ROBO1: variants seen among roughly 807,000 people sequenced by gnomAD.
ROBO1 encodes the protein roundabout guidance receptor 1, also known as roundabout homolog 1.
ROBO1 carries 149 observed loss-of-function variants against 195.9 expected under a neutral mutation model. That is an observed-to-expected ratio of 0.76 (90% CI 0.67 to 0.87). The LOEUF (loss-of-function observed/expected upper bound fraction) is 0.87, where lower values mean the gene tolerates loss of function less well. ROBO1 is among the 40% of genes least tolerant of loss of function. The probability of loss-of-function intolerance (pLI) is 0.00; values close to 1 mark genes in which losing one functional copy is unlikely to be tolerated. For synonymous variants in ROBO1, 816 were observed against 733.2 expected (o/e 1.11, Z -1.82); for missense variants, 1,933 against 2,068.3 (o/e 0.93, Z 1.27).
chr3:79,697,801 A>C (rs1947491120), intron 1 of ROBO1, among the ~76,000 whole-genome samples: 1 of 151,478 alleles, frequency 6.6e-6, no homozygotes, highest in Non-Finnish European at 1.5e-5. Context: ...TTTGTTGATT[A>C]ATTTATAAAC....
At chr3:78,925,342 ATGT>A (rs1206284052) in intron 4 of ROBO1, among the ~76,000 whole-genome samples, 2 of 152,212 alleles carry the variant, frequency 1.3e-5, no homozygotes, top group Non-Finnish European at 2.9e-5. Flanking sequence ...GTATTAAATA[ATGT>A]TGTACTTGAA....
intron 12 of ROBO1, 66 bp downstream of exon 12, chr3:78,668,418 A>G (rs1707864700): frequency 1.3e-6 from 2 of 1,590,608 alleles, no homozygotes; most frequent in Middle Eastern, 3.3e-4. Context: ...TACTTCATCA[A>G]TATCCCAGTA....
At chr3:78,917,091 T>G (rs1189642059) in intron 4 of ROBO1, among the ~76,000 whole-genome samples, 2 of 143,570 alleles carry the variant, frequency 1.4e-5, no homozygotes, top group East Asian at 2.0e-4. Context: ...GTTGTTTTTT[T>G]GTTTTTCGTT....
At chr3:79,024,122 G>A (rs1049067281) in intron 3 of ROBO1, among the ~76,000 whole-genome samples, 1 of 152,162 alleles carries the variant, frequency 6.6e-6, no homozygotes, top group Non-Finnish European at 1.5e-5. Context: ...GGCTTATTAA[G>A]AAATATAAAT....
At chr3:79,586,238 T>C (rs1478039757) in intron 2 of ROBO1, among the ~76,000 whole-genome samples, 1 of 152,038 alleles carries the variant, frequency 6.6e-6, no homozygotes, top group Non-Finnish European at 1.5e-5. Flanking sequence ...ATATTCATTG[T>C]AATTTCTAAA....
Position 79,224,482 on chromosome 3 carries a change from T to C in ROBO1, c.89-98943A>G, listed in dbSNP as rs559150827. 2.0e-5 allele frequency among the ~76,000 whole-genome samples: 3 copies of C among 152,236 alleles called. No individual in the cohort carries two copies. In the South Asian group the frequency reaches 6.2e-4, roughly 32 times the overall value. ...AAAAGGAGAATATTCAGTGGGCTAT[T>C]TGATAGGAAATTAAGTTCTCAAATG... On this transcript the variant is annotated intron_variant, in intron 2 of 30. Transcript: ENST00000464233.
At chr3:79,328,227 A>T (rs1222383022) in intron 2 of ROBO1, among the ~76,000 whole-genome samples, 1 of 152,176 alleles carries the variant, frequency 6.6e-6, no homozygotes, top group East Asian at 1.9e-4. Flanking sequence ...TTTAAGTGCA[A>T]ATGCATCATT....
intron 2 of ROBO1, among the ~76,000 whole-genome samples, chr3:79,406,516 C>T (rs879231880): frequency 6.6e-6 from 1 of 151,758 alleles, no homozygotes; most frequent in East Asian, 1.9e-4. Flanking sequence ...TTCTTTCCCC[C>T]AAAAGCTAGA....
At chr3:79,279,409 G>A (rs1335470038) in intron 2 of ROBO1, among the ~76,000 whole-genome samples, 1 of 152,092 alleles carries the variant, frequency 6.6e-6, no homozygotes, top group Non-Finnish European at 1.5e-5. Context: ...TCAACGAAAT[G>A]CAAATCAATA....
intron 27 of ROBO1, among the ~76,000 whole-genome samples, chr3:78,615,562 T>C (rs1371430912): frequency 2.6e-5 from 4 of 152,186 alleles, no homozygotes; most frequent in South Asian, 2.1e-4. Context: ...GTGCCTTACA[T>C]AGATGCTGTA....
intron 2 of ROBO1, among the ~76,000 whole-genome samples, chr3:79,288,920 C>T (rs902164): frequency 0.19 from 29,170 of 151,840 alleles, 3,171 homozygotes; most frequent in African/African-American, 0.3. Context: ...AATAATTTAG[C>T]GGTCTTTTTT....
At chr3:79,704,256 A>G (rs1204590152) in intron 1 of ROBO1, among the ~76,000 whole-genome samples, 1 of 151,974 alleles carries the variant, frequency 6.6e-6, no homozygotes, top group Non-Finnish European at 1.5e-5. Flanking sequence ...ATTATATTTT[A>G]GACAGATTTA....
At chr3:79,734,429 T>C (rs1455135137) in intron 1 of ROBO1, among the ~76,000 whole-genome samples, 1 of 152,252 alleles carries the variant, frequency 6.6e-6, no homozygotes, top group African/African-American at 2.4e-5. Context: ...TTGTGTTGTA[T>C]TTAATTTTTT....
chr3:79,708,402 G>A (rs2107207655), intron 1 of ROBO1, among the ~76,000 whole-genome samples: 1 of 152,170 alleles, frequency 6.6e-6, no homozygotes, highest in Middle Eastern at 3.4e-3. Flanking sequence ...TTCTTATGAA[G>A]GTGCCTCTGC....
At chr3:79,077,701 T>C (rs555625491) in intron 3 of ROBO1, among the ~76,000 whole-genome samples, 11 of 151,950 alleles carry the variant, frequency 7.2e-5, no homozygotes, top group Admixed American at 5.3e-4. Context: ...ATAAGTCATG[T>C]TTCATTTGAT....
chr3:78,897,330 T>C (rs964614425), intron 4 of ROBO1, among the ~76,000 whole-genome samples: 1 of 152,164 alleles, frequency 6.6e-6, no homozygotes, highest in Non-Finnish European at 1.5e-5. Context: ...CCACAGATGA[T>C]TCCAGTGTGC....
rs779648884 is a variant in ROBO1, at chr3:78,617,998, G to A, written c.3919C>T (p.Pro1307Ser). Reference sequence around the variant, plus strand: ...GAAATGTAGCCATAGGTATGTGGAGGGGAGATCGGCCGTGGTGGTGGAGGA... The same window carrying A: ...GAAATGTAGCCATAGGTATGTGGAGAGGAGATCGGCCGTGGTGGTGGAGGA... ...SPPPPPRPISPPHTYGYISGP... is the reference protein window; with the variant it reads ...SPPPPPRPISSPHTYGYISGP... The change falls in exon 27 of 31, where the codon CCT becomes TCT. Residue 1307 changes from proline (P) to serine (S), a missense_variant. Physicochemically the swap from Pro to Ser is moderately conservative, Grantham distance 74. Coordinates refer to ENST00000464233, the MANE Select transcript of ROBO1 (RefSeq NM_002941.4). 3.1e-6 allele frequency: 5 copies of A among 1,613,658 alleles called. No homozygotes were observed. The highest frequency in any genetic ancestry group is 4.2e-6 in the Non-Finnish European group (5 of 1,179,782).
At chr3:79,500,008 G>GT (rs1341995489) in intron 2 of ROBO1, among the ~76,000 whole-genome samples, 1 of 150,848 alleles carries the variant, frequency 6.6e-6, no homozygotes, top group Non-Finnish European at 1.5e-5. Context: ...GGGTTACACC[G>GT]TATTAGTCAG....
intron 1 of ROBO1, among the ~76,000 whole-genome samples, chr3:79,708,686 G>C (rs1422139386): frequency 6.6e-6 from 1 of 152,126 alleles, no homozygotes; most frequent in Non-Finnish European, 1.5e-5. Context: ...AACAGAGTGA[G>C]ACTTTGTGTC....
Sources: gnomAD v4.1 joint callset for allele counts (sites outside exome capture counted in the v4.1 genomes callset) on GRCh38, gnomAD v4.1.1 for gene constraint, MANE v1.5 for transcripts, NCBI Gene and HGNC (gene_info 2026-07-23, HGNC 2026-07-21) for gene names.